The following TMPRSS2 variants were observed in gnomAD, a reference collection of about 807,000 sequenced individuals.
TMPRSS2 encodes transmembrane protease serine 2.
In TMPRSS2, 59 loss-of-function variants were observed where a neutral mutation model predicts 67.4. The ratio of observed to expected loss-of-function variants is 0.88; its 90% CI spans 0.71 to 1.09. The LOEUF (loss-of-function observed/expected upper bound fraction) is 1.09. Among genes scored for constraint, TMPRSS2 ranks in the 50% least tolerant of loss-of-function variants. The pLI is 0.00. For missense variants in TMPRSS2, 668 were observed against 642.7 expected (o/e 1.04, Z -0.43); for synonymous variants, 257 against 257.0 (o/e 1.00, Z 0.00).
chr21:41,479,733 T>G (rs2091241974), intron 6 of TMPRSS2, among the ~76,000 whole-genome samples: 1 of 152,196 alleles, frequency 6.6e-6, no homozygotes, highest in African/African-American at 2.4e-5. Flanking sequence ...TAATTCATTC[T>G]GAAAACTGGC....
chr21:41,505,437 C>CGTG (rs2091451261), intron 1 of TMPRSS2, among the ~76,000 whole-genome samples: 1 of 152,106 alleles, frequency 6.6e-6, no homozygotes, highest in Non-Finnish European at 1.5e-5. Flanking sequence ...TGATGATGAT[C>CGTG]GTGGTGGTGG....
intron 11 of TMPRSS2, among the ~76,000 whole-genome samples, chr21:41,470,106 CT>C (rs1178203094): frequency 6.6e-6 from 1 of 152,198 alleles, no homozygotes; most frequent in African/African-American, 2.4e-5. Flanking sequence ...ACCTTTGTGC[CT>C]GCCACTAAGC....
intron 1 of TMPRSS2, among the ~76,000 whole-genome samples, chr21:41,504,361 A>T (rs2091443411): frequency 6.6e-6 from 1 of 151,858 alleles, no homozygotes; most frequent in Non-Finnish European, 1.5e-5. Flanking sequence ...CCTCTCCCAG[A>T]CTCACCTCCA....
rs1411372152 is a variant in TMPRSS2, at chr21:41,473,496, G to T, written c.728C>A (p.Ala243Asp). 1 of 1,605,390 alleles carries T rather than the reference G, an allele frequency of 6.2e-7. No homozygotes were observed. The highest frequency in any genetic ancestry group is 8.5e-7 in the Non-Finnish European group (1 of 1,175,868). Residue 243 changes from alanine to aspartate, a missense_variant and splice_region_variant, in exon 9 of 14, where the codon GCC (alanine) becomes GAC (aspartate). Coordinates refer to ENST00000332149, the MANE Select transcript of TMPRSS2 (RefSeq NM_005656.4). ...GCTTGAGTTCAAGTTGACCCCGCAG[G>T]CTGAGGATGACAAACAGGAGGCCAG... ...SKAVVSLRCI[A>D]CGVNLNSSRQ...
intron 8 of TMPRSS2, 59 bp from the exon 9 acceptor site, chr21:41,473,555 CAGCGCCCGCCCCTCCCA>C: frequency 6.6e-7 from 1 of 1,522,312 alleles, no homozygotes; most frequent in Non-Finnish European, 8.9e-7. Context: ...CCCAGCCACC[CAGCGCCCGCCCCTCCCA>C]AGGGTCTCCC....
At chr21:41,475,670 AGGGGGTGAGTGAGGG>A (rs2091205706) in intron 8 of TMPRSS2, among the ~76,000 whole-genome samples, 1 of 62,278 alleles carries the variant, frequency 1.6e-5, no homozygotes, top group Non-Finnish European at 3.0e-5. Flanking sequence ...TGAGGGAGTG[AGGGGGTGAGTGAGGG>A]GGCGAGGGGG....
In TMPRSS2 at chr21:41,479,210, A is replaced by G; in HGVS notation, c.645T>C (p.Ser215=). 2 of 1,614,058 alleles carry G rather than the reference A, an allele frequency of 1.2e-6. No individual in the cohort carries two copies. The highest frequency in any genetic ancestry group is 1.7e-6 in the Non-Finnish European group (2 of 1,179,992). The change falls in exon 7 of 14, where the codon AGT becomes AGC. Residue 215 remains serine (S), a synonymous_variant. Coordinates refer to ENST00000332149, the MANE Select transcript of TMPRSS2 (RefSeq NM_005656.4). ...TTTTATAGATATCGACATTGCCGGC[A>G]CTTGTGTTCAGTTTCATAAAGCTGG... ...GSTSFMKLNT[S]AGNVDIYKKL...
chr21:41,495,713 G>A (rs1266288284), intron 2 of TMPRSS2, among the ~76,000 whole-genome samples: 2 of 151,430 alleles, frequency 1.3e-5, no homozygotes, highest in Non-Finnish European at 2.9e-5. Flanking sequence ...AGGGAAAATT[G>A]AGGTCATTGT....
intron 2 of TMPRSS2, 195 bp from the exon 3 acceptor site, chr21:41,494,773 T>TA: frequency 2.8e-6 from 2 of 714,004 alleles, no homozygotes; most frequent in Non-Finnish European, 4.8e-6. Flanking sequence ...GACAAGATAT[T>TA]AAAAAGGTAC....
In TMPRSS2 at chr21:41,465,299, A is replaced by T. The variant is rs987828785; in HGVS notation, c.*843T>A. 2.6e-5 allele frequency: 6 copies of T among 233,608 alleles called. No homozygotes were observed. The highest frequency in any genetic ancestry group is 5.1e-5 in the Non-Finnish European group (6 of 118,056). 14.5% of individuals were successfully genotyped at this position (233,608 alleles called of 1,614,324 possible). On this transcript the variant is annotated 3_prime_UTR_variant, in exon 14 of 14. Coordinates refer to ENST00000332149, the MANE Select transcript of TMPRSS2 (RefSeq NM_005656.4). Reference sequence around the variant, plus strand: ...ATCCTTGATTTCCCCCATGGACCTCAATTTCCAGTGACTAGCAGGCCTGAA... The same window carrying T: ...ATCCTTGATTTCCCCCATGGACCTCTATTTCCAGTGACTAGCAGGCCTGAA...
chr21:41,473,593 G>A, intron 8 of TMPRSS2, 97 bp from the exon 9 acceptor site: 6 of 1,345,308 alleles, frequency 4.5e-6, no homozygotes, highest in South Asian at 1.4e-5. Flanking sequence ...AGGCTGCAAG[G>A]ACAGGGCAGG....
intron 1 of TMPRSS2, among the ~76,000 whole-genome samples, chr21:41,505,746 C>G (rs115129572): frequency 6.6e-6 from 1 of 152,202 alleles, no homozygotes; most frequent in African/African-American, 2.4e-5. Context: ...CCCTCCTTTC[C>G]TCCACTTGCT....
chr21:41,470,834 C>G, intron 10 of TMPRSS2, 91 bp from the exon 11 acceptor site: 1 of 974,630 alleles, frequency 1.0e-6, no homozygotes, highest in Non-Finnish European at 1.5e-6. Flanking sequence ...GGGCCTGGCA[C>G]CCTGGCCACC....
chr21:41,507,717 C>A (rs1395014873), intron 1 of TMPRSS2, among the ~76,000 whole-genome samples: 3 of 152,240 alleles, frequency 2.0e-5, no homozygotes, highest in African/African-American at 7.2e-5. Context: ...CAGGCGGGGG[C>A]CGTGGAGGGC....
intron 1 of TMPRSS2, among the ~76,000 whole-genome samples, chr21:41,501,672 C>T (rs1227296301): frequency 8.1e-6 from 1 of 124,160 alleles, no homozygotes; most frequent in Non-Finnish European, 1.8e-5. Context: ...GAAAATAAAA[C>T]AAGGGGGGGA....
chr21:41,491,957 G>A (rs890176534), intron 3 of TMPRSS2, among the ~76,000 whole-genome samples: 1 of 152,212 alleles, frequency 6.6e-6, no homozygotes, highest in Non-Finnish European at 1.5e-5. Context: ...CACTTTGGGA[G>A]GCCAAGGCAG....
In TMPRSS2 at chr21:41,473,221, A is replaced by G. The variant is rs1264097468; in HGVS notation, c.899+104T>C. 2.3e-6 allele frequency: 3 copies of G among 1,320,870 alleles called. No individual in the cohort carries two copies. In the East Asian group the frequency reaches 7.6e-5, roughly 34 times the overall value. 81.8% of individuals were successfully genotyped at this position (1,320,870 alleles called of 1,614,324 possible). A position where few individuals can be genotyped will look rare whatever the true frequency, so the allele number is the denominator to read the frequency against. On this transcript the variant is annotated intron_variant, in intron 9 of 13. Transcript: ENST00000332149. ...CAGGTGCAATACTCTCCCCATTTAA[A>G]CACAAGGATGCCGGGGCTGCAAGGG...
intron 7 of TMPRSS2, among the ~76,000 whole-genome samples, 197 bp from the exon 8 acceptor site, chr21:41,476,817 A>G (rs1347749337): frequency 1.3e-5 from 2 of 152,200 alleles, no homozygotes; most frequent in Non-Finnish European, 2.9e-5. Flanking sequence ...GAGCCAAGGT[A>G]CGCGGCTCAC....
At chr21:41,493,146 T>G (rs2091351536) in intron 3 of TMPRSS2, among the ~76,000 whole-genome samples, 1 of 152,124 alleles carries the variant, frequency 6.6e-6, no homozygotes, top group Non-Finnish European at 1.5e-5. Flanking sequence ...GGGTCCAAAT[T>G]GTCCTGACTG....
Sources: allele counts gnomAD v4.1 joint callset (sites outside exome capture counted in the v4.1 genomes callset), GRCh38; gene constraint gnomAD v4.1.1; transcripts MANE v1.5; gene names NCBI Gene and HGNC (gene_info 2026-07-23, HGNC 2026-07-21).